Variants in CAPN5 observed in about 807,000 individuals in gnomAD.
CAPN5 encodes the protein calpain-5.
In CAPN5, 54 loss-of-function variants were observed where a neutral mutation model predicts 73.0. The observed-to-expected ratio is 0.74, with a 90% CI of 0.59 to 0.93. CAPN5 has a LOEUF of 0.93. Among genes scored for constraint, CAPN5 ranks in the 40% least tolerant of loss-of-function variants. CAPN5 has a pLI of 0.00. For missense variants in CAPN5, 785 were observed against 882.9 expected (o/e 0.89, Z 1.41); for synonymous variants, 335 against 356.9 (o/e 0.94, Z 0.69).
chr11:77,088,926 T>C (rs1457460781), intron 2 of CAPN5, among the ~76,000 whole-genome samples: 1 of 152,116 alleles, frequency 6.6e-6, no homozygotes, highest in Non-Finnish European at 1.5e-5. Context: ...TGCAGAATGC[T>C]GTCCTAGAGC....
At chr11:77,119,193 A>T (rs781978533) in intron 9 of CAPN5, 41 bp downstream of exon 9, 2 of 1,575,634 alleles carry the variant, frequency 1.3e-6, no homozygotes. Flanking sequence ...GGGGAGAGGG[A>T]GGGAGCTGGA....
At chr11:77,103,310 C>A (rs2233550) in intron 3 of CAPN5, 1 of 1,610,602 alleles carries the variant, frequency 6.2e-7, no homozygotes, top group Non-Finnish European at 8.5e-7. Flanking sequence ...TCAAGGCCTC[C>A]GTGGTTTTTA....
chr11:77,087,708 G>A (rs1433150591), intron 2 of CAPN5, among the ~76,000 whole-genome samples: 1 of 152,100 alleles, frequency 6.6e-6, no homozygotes, highest in African/African-American at 2.4e-5. Context: ...ATGACTTGAG[G>A]TATCTGTGGT....
chr11:77,105,549 G>A (rs1489935873), intron 3 of CAPN5, among the ~76,000 whole-genome samples: 2 of 152,202 alleles, frequency 1.3e-5, no homozygotes, highest in Non-Finnish European at 2.9e-5. Context: ...ACTGGGCAGG[G>A]GGTGGATGGA....
chr11:77,082,199 G>A (rs1344548579), intron 1 of CAPN5, among the ~76,000 whole-genome samples: 3 of 152,046 alleles, frequency 2.0e-5, no homozygotes, highest in African/African-American at 7.2e-5. Context: ...GAGGAGCTCC[G>A]AGCCCCAGAG....
chr11:77,123,021 C>T (rs951412913), intron 12 of CAPN5, among the ~76,000 whole-genome samples: 2 of 152,234 alleles, frequency 1.3e-5, no homozygotes, highest in South Asian at 4.1e-4. Flanking sequence ...CCCATTTCCC[C>T]GTGGGGGGCC....
intron 2 of CAPN5, among the ~76,000 whole-genome samples, chr11:77,092,449 G>A (rs1555036667): frequency 6.6e-6 from 1 of 152,230 alleles, no homozygotes; most frequent in East Asian, 1.9e-4. Flanking sequence ...GGAAAGCCCA[G>A]GCCAGAGCTC....
chr11:77,125,193 G>T lies in CAPN5; in HGVS notation c.*1323G>T, dbSNP rs1166569651. 1.3e-5 allele frequency: 2 copies of T among 152,540 alleles called. No individual in the cohort carries two copies. The highest frequency in any genetic ancestry group is 4.8e-5 in the African/African-American group (2 of 41,426). 9.4% of individuals were successfully genotyped at this position (152,540 alleles called of 1,614,324 possible). A position where few individuals can be genotyped will look rare whatever the true frequency, so the allele number is the denominator to read the frequency against. On this transcript the variant is annotated 3_prime_UTR_variant, in exon 13 of 13. Coordinates refer to ENST00000648180, the MANE Select transcript of CAPN5 (RefSeq NM_004055.5). ...AAATGAAAAAGTGCAGTTAATTCAA[G>T]AACAGGAATCCCTGTGTCCTTGCTG...
intron 3 of CAPN5, among the ~76,000 whole-genome samples, chr11:77,098,513 C>A (rs1303688408): frequency 9.8e-6 from 1 of 101,942 alleles, no homozygotes; most frequent in African/African-American, 4.2e-5. Context: ...CTGACCCCCC[C>A]ACCTCCCTCC....
At chr11:77,115,742 T>G (rs1166019371) in intron 6 of CAPN5, among the ~76,000 whole-genome samples, 154 bp downstream of exon 6, 1 of 151,644 alleles carries the variant, frequency 6.6e-6, no homozygotes, top group Non-Finnish European at 1.5e-5. Context: ...TTTGCAGTGG[T>G]TGTATGGGGT....
rs373570492 is a variant in CAPN5, at chr11:77,120,920, G to A, written c.1487+11G>A. Reference sequence around the variant, plus strand: ...GCCCTCCAACTGCCGGTACTTGGGGGCTGGCTTGAGGCCAGTGTGGGTGGG... The same window carrying A: ...GCCCTCCAACTGCCGGTACTTGGGGACTGGCTTGAGGCCAGTGTGGGTGGG... On this transcript the variant is annotated intron_variant, in intron 10 of 12. Transcript: ENST00000648180. 2 of 1,608,734 alleles carry A rather than the reference G, an allele frequency of 1.2e-6. No homozygotes were observed. Among genetic ancestry groups the A allele is most frequent in the Non-Finnish European group, 1.7e-6 (2 of 1,176,352 alleles).
rs1244544090 is a variant in CAPN5, at chr11:77,111,546, A to G, written c.298-1043A>G. On this transcript the variant is annotated intron_variant, in intron 3 of 12. Transcript: ENST00000648180. The stretch of plus-strand genomic sequence containing the variant: ...GTCACAGGCATTTCCCAGATGCGTC[A>G]TAAGTAATAAAATCAATGTCTCAGT... Among the ~76,000 whole-genome samples the G allele has an allele frequency of 1.6e-4, 24 of 152,230 alleles. 2 individuals carry two copies. Among genetic ancestry groups the G allele is most frequent in the Admixed American group, 1.4e-3 (21 of 15,286 alleles).
At chr11:77,123,128 T>A (rs57877016) in intron 12 of CAPN5, among the ~76,000 whole-genome samples, 19,139 of 152,222 alleles carry the variant, frequency 0.13, 1,761 homozygotes, top group African/African-American at 0.25. Flanking sequence ...CCCCATGGCT[T>A]CCTTCTCCTC....
At position 77,093,833 on chromosome 11, in the gene CAPN5, G is replaced by T. The variant is rs551861889; in HGVS notation, c.297+20G>T. ...CAAAAGGTGAGGCCTCGGGCAGAGTGGGCAGGGTGCTGGGGAGTGTGAACG... is the reference window on the plus strand; with the variant it reads ...CAAAAGGTGAGGCCTCGGGCAGAGTTGGCAGGGTGCTGGGGAGTGTGAACG... On this transcript the variant is annotated intron_variant, in intron 3 of 12. Transcript: ENST00000648180. 1 of 1,606,478 alleles carries T rather than the reference G, an allele frequency of 6.2e-7. No individual in the cohort carries two copies. Among genetic ancestry groups the T allele is most frequent in the South Asian group, 1.1e-5 (1 of 91,006 alleles).
At chr11:77,097,093 G>A (rs1429214030) in intron 3 of CAPN5, among the ~76,000 whole-genome samples, 1 of 152,098 alleles carries the variant, frequency 6.6e-6, no homozygotes, top group East Asian at 1.9e-4. Flanking sequence ...GTGGTGGTGG[G>A]CGCCTGTAGT....
At chr11:77,072,350 G>A (rs1325668927) in intron 1 of CAPN5, among the ~76,000 whole-genome samples, 1 of 152,204 alleles carries the variant, frequency 6.6e-6, no homozygotes, top group Non-Finnish European at 1.5e-5. Context: ...CACTTCCTTT[G>A]AGAGCAGATC....
At position 77,079,783 on chromosome 11, in the gene CAPN5, TTGTG is replaced by T. The variant is rs147108363; in HGVS notation, c.-35-5041_-35-5038del. The stretch of plus-strand genomic sequence containing the variant: ...TAATGCATAAGAGCTCTACTTGAGA[TTGTG>T]TGTGTGTGTGTGTGTGTGTGTGTGT... On this transcript the variant is annotated intron_variant, in intron 1 of 12. Coordinates refer to ENST00000648180, the MANE Select transcript of CAPN5 (RefSeq NM_004055.5). Among the ~76,000 whole-genome samples, 777 of 148,238 alleles carry T rather than the reference TTGTG, an allele frequency of 5.2e-3. 4 individuals are homozygous for T. Among genetic ancestry groups the T allele is most frequent in the Admixed American group, 0.018 (266 of 14,836 alleles).
chr11:77,119,227 A>T (rs1555042302), intron 9 of CAPN5, 75 bp downstream of exon 9: 4 of 1,507,106 alleles, frequency 2.7e-6, no homozygotes, highest in Middle Eastern at 1.8e-4. Flanking sequence ...ATGCCTGAGG[A>T]AGAACGCTCT....
intron 8 of CAPN5, 63 bp from the exon 9 acceptor site, chr11:77,118,967 G>A (rs749984287): frequency 4.4e-4 from 685 of 1,552,734 alleles, no homozygotes; most frequent in Non-Finnish European, 5.7e-4. Flanking sequence ...CCGGGAGCCA[G>A]CCAGCCCATG....
Sources: gnomAD v4.1 joint callset for allele counts (sites outside exome capture counted in the v4.1 genomes callset) on GRCh38, gnomAD v4.1.1 for gene constraint, MANE v1.5 for transcripts, NCBI Gene and HGNC (gene_info 2026-07-23, HGNC 2026-07-21) for gene names.